MACROD2: variants seen among roughly 807,000 people sequenced by gnomAD.
The protein encoded by MACROD2 is ADP-ribose glycohydrolase MACROD2.
Under a neutral mutation model 70.4 loss-of-function variants are expected in MACROD2, and 36 were observed. The observed-to-expected ratio is 0.51, with a 90% CI of 0.39 to 0.68. The LOEUF is 0.68. Ranked by LOEUF, MACROD2 falls within the 30% of genes least tolerant of loss-of-function variation. MACROD2 has a pLI of 0.00. For missense variants in MACROD2, 496 were observed against 538.4 expected (o/e 0.92, Z 0.78); for synonymous variants, 172 against 178.8 (o/e 0.96, Z 0.30).
chr20:15,854,950 G>A (rs924310129), intron 8 of MACROD2, among the ~76,000 whole-genome samples: 1 of 152,192 alleles, frequency 6.6e-6, no homozygotes, highest in Non-Finnish European at 1.5e-5. Context: ...TGGTGAGACT[G>A]TTGATTTCTC....
At chr20:14,789,995 T>C (rs2072430063) in intron 5 of MACROD2, among the ~76,000 whole-genome samples, 1 of 152,184 alleles carries the variant, frequency 6.6e-6, no homozygotes, top group African/African-American at 2.4e-5. Flanking sequence ...AATATGTAAA[T>C]GATTACTTAG....
intron 12 of MACROD2, among the ~76,000 whole-genome samples, chr20:15,955,926 G>A (rs923251885): frequency 6.6e-6 from 1 of 151,932 alleles, no homozygotes; most frequent in African/African-American, 2.4e-5. Flanking sequence ...TAACAAACCT[G>A]CACATCCTGC....
chr20:15,331,039 G>A (rs1287666218), intron 6 of MACROD2, among the ~76,000 whole-genome samples: 4 of 151,386 alleles, frequency 2.6e-5, no homozygotes, highest in Admixed American at 6.6e-5. Context: ...AGAGAAAATC[G>A]TGACATCTTC....
At chr20:15,962,131 A>G (rs553784284) in intron 12 of MACROD2, among the ~76,000 whole-genome samples, 1 of 152,344 alleles carries the variant, frequency 6.6e-6, no homozygotes, top group Non-Finnish European at 1.5e-5. Flanking sequence ...CCAGTGTGGC[A>G]CTGGTGCACA....
chr20:14,087,615 C>T (rs2054094531), intron 3 of MACROD2, among the ~76,000 whole-genome samples: 1 of 152,092 alleles, frequency 6.6e-6, no homozygotes, highest in Non-Finnish European at 1.5e-5. Flanking sequence ...CCTCAGGTTA[C>T]CTCATAGGGT....
intron 4 of MACROD2, among the ~76,000 whole-genome samples, chr20:14,586,196 A>G (rs1034935089): frequency 1.4e-4 from 21 of 151,960 alleles, no homozygotes; most frequent in African/African-American, 4.8e-4. Context: ...ATGTGGTCTC[A>G]AGTCTTGTGA....
intron 5 of MACROD2, among the ~76,000 whole-genome samples, chr20:14,824,662 G>A (rs2072882566): frequency 6.6e-6 from 1 of 152,062 alleles, no homozygotes; most frequent in African/African-American, 2.4e-5. Context: ...TGGAGAATAA[G>A]CATTCCAAGA....
At chr20:15,693,832 T>TA (rs2146882364) in intron 8 of MACROD2, among the ~76,000 whole-genome samples, 1 of 152,274 alleles carries the variant, frequency 6.6e-6, no homozygotes, top group African/African-American at 2.4e-5. Flanking sequence ...GTACACACTC[T>TA]ACCATATTTG....
At chr20:14,310,086 T>A (rs1042286773) in intron 3 of MACROD2, among the ~76,000 whole-genome samples, 2 of 152,154 alleles carry the variant, frequency 1.3e-5, no homozygotes, top group Non-Finnish European at 2.9e-5. Context: ...GATCCATGCT[T>A]GTGCTAATTT....
At chr20:14,632,284 T>C (rs1038499538) in intron 4 of MACROD2, among the ~76,000 whole-genome samples, 1 of 152,160 alleles carries the variant, frequency 6.6e-6, no homozygotes. Flanking sequence ...TTAAATATTA[T>C]ATGTCAAGGT....
At chr20:14,293,994 G>C (rs181215620) in intron 3 of MACROD2, among the ~76,000 whole-genome samples, 1 of 151,880 alleles carries the variant, frequency 6.6e-6, no homozygotes, top group Non-Finnish European at 1.5e-5. Flanking sequence ...TGAATCATTT[G>C]TTATGCCCAA....
intron 5 of MACROD2, among the ~76,000 whole-genome samples, chr20:15,191,717 G>T (rs1488442376): frequency 6.6e-6 from 1 of 152,060 alleles, no homozygotes; most frequent in Non-Finnish European, 1.5e-5. Flanking sequence ...TATGAAAACA[G>T]AGAAAGAAAA....
At chr20:14,315,365 C>T (rs1191046532) in intron 3 of MACROD2, among the ~76,000 whole-genome samples, 4 of 152,178 alleles carry the variant, frequency 2.6e-5, no homozygotes, top group Admixed American at 1.3e-4. Context: ...AAGATTGTCT[C>T]AGGTAATACT....
intron 6 of MACROD2, among the ~76,000 whole-genome samples, chr20:15,262,489 A>G (rs2077258506): frequency 6.6e-6 from 1 of 152,094 alleles, no homozygotes; most frequent in Admixed American, 6.6e-5. Context: ...GGCTATTGTG[A>G]ATAGTGCTGC....
At chr20:14,820,547 G>T (rs537148806) in intron 5 of MACROD2, among the ~76,000 whole-genome samples, 1 of 151,918 alleles carries the variant, frequency 6.6e-6, no homozygotes. Context: ...TTCATCACCA[G>T]TGTAATTAAG....
At chr20:15,195,366 A>T (rs1601205422) in intron 5 of MACROD2, among the ~76,000 whole-genome samples, 1 of 152,224 alleles carries the variant, frequency 6.6e-6, no homozygotes, top group East Asian at 1.9e-4. Context: ...AGATTCTATA[A>T]GAAACTTAAA....
At chr20:15,269,400 T>TGCTGACCCACCATCTC (rs2077326169) in intron 6 of MACROD2, among the ~76,000 whole-genome samples, 1 of 152,242 alleles carries the variant, frequency 6.6e-6, no homozygotes, top group Non-Finnish European at 1.5e-5. Flanking sequence ...CCCTTCACCT[T>TGCTGACCCACCATCTC]GCTGACCCAC....
chr20:15,930,279 C>T (rs748239519), intron 10 of MACROD2, among the ~76,000 whole-genome samples: 12 of 152,150 alleles, frequency 7.9e-5, no homozygotes, highest in African/African-American at 1.9e-4. Flanking sequence ...CAAAGACTTA[C>T]GGGTAACTGT....
At chr20:15,666,159 T>C (rs767376469) in intron 8 of MACROD2, among the ~76,000 whole-genome samples, 7 of 152,208 alleles carry the variant, frequency 4.6e-5, no homozygotes, top group Non-Finnish European at 1.0e-4. Context: ...ATAACATTAC[T>C]TGACTGGAAG....
Sources: gnomAD v4.1 joint callset for allele counts (sites outside exome capture counted in the v4.1 genomes callset) on GRCh38, gnomAD v4.1.1 for gene constraint, MANE v1.5 for transcripts, NCBI Gene and HGNC (gene_info 2026-07-23, HGNC 2026-07-21) for gene names.